The following MAP3K4 variants were observed in gnomAD, a reference collection of about 807,000 sequenced individuals.
MAP3K4 encodes the protein mitogen-activated protein kinase kinase kinase 4.
In MAP3K4, 67 loss-of-function variants were observed where a neutral mutation model predicts 185.6. The observed-to-expected ratio is 0.36, with a 90% CI of 0.30 to 0.44. The LOEUF is 0.44. Among genes scored for constraint, MAP3K4 ranks in the 20% least tolerant of loss-of-function variants. MAP3K4 has a pLI of 1.00. For synonymous variants in MAP3K4, 702 were observed against 710.4 expected (o/e 0.99, Z 0.19); for missense variants, 1,551 against 1,995.1 (o/e 0.78, Z 4.24).
Position 161,048,159 on chromosome 6 carries a change from T to A in MAP3K4, c.344-457T>A, listed in dbSNP as rs2114758617. 1 of 488,042 alleles carries A rather than the reference T, an allele frequency of 2.0e-6. No homozygotes were observed. Among genetic ancestry groups the A allele is most frequent in the East Asian group, 6.1e-5 (1 of 16,436 alleles). The allele number at this position is 488,042 out of a possible 1,614,324, so 30.2% of individuals were successfully genotyped here. Reference sequence around the variant, plus strand: ...TGCCTAATTTTATCAATGAGAAAAGTAATCCAGATAATTTACGTGATTTCC... The same window carrying A: ...TGCCTAATTTTATCAATGAGAAAAGAAATCCAGATAATTTACGTGATTTCC... On this transcript the variant is annotated intron_variant, in intron 2 of 26. Transcript: ENST00000392142. The surrounding 1 kb of genome is among the most constrained non-coding windows in gnomAD (Gnocchi z 4.7).
In MAP3K4 at chr6:161,084,546, A is replaced by G. The variant is rs771665916; in HGVS notation, c.2301A>G (p.Glu767=). 5.0e-6 allele frequency: 8 copies of G among 1,611,610 alleles called. No individual in the cohort carries two copies. The South Asian group carries it at 8.8e-5, about 18-fold the overall frequency. Reference sequence around the variant, plus strand: ...TGAAATCTACAGGAAGTTTTTTAGAATTTGGCTTACAGGAGAGCTGTGCTG... The same window carrying G: ...TGAAATCTACAGGAAGTTTTTTAGAGTTTGGCTTACAGGAGAGCTGTGCTG... ...MLLKSTGSFL[E]FGLQESCAEF... Residue 767 remains glutamate (E), a synonymous_variant, in exon 7 of 27, where the codon GAA becomes GAG. Coordinates refer to ENST00000392142, the MANE Select transcript of MAP3K4 (RefSeq NM_005922.4). The surrounding 1 kb of genome is among the most constrained non-coding windows in gnomAD (Gnocchi z 4.6).
chr6:161,003,956 A>C (rs1410306049), intron 1 of MAP3K4, among the ~76,000 whole-genome samples: 2 of 151,816 alleles, frequency 1.3e-5, no homozygotes, highest in Non-Finnish European at 2.9e-5. Context: ...GTTAATCTTT[A>C]CTGGGAAATA....
intron 1 of MAP3K4, among the ~76,000 whole-genome samples, chr6:161,033,937 C>T (rs909956044): frequency 2.0e-5 from 3 of 152,114 alleles, no homozygotes; most frequent in African/African-American, 7.2e-5. Context: ...CTGGTTTTTC[C>T]TTAAGGCGTA....
chr6:161,087,677 G>A lies in MAP3K4; in HGVS notation c.2557-11G>A. ...AGTGTTCCTTAAGATTTTGGATTAT[G>A]TCTTTTGCAGGTGCAAATTCCTGGG... On this transcript the variant is annotated splice_polypyrimidine_tract_variant and intron_variant, in intron 9 of 26. Coordinates refer to ENST00000392142, the MANE Select transcript of MAP3K4 (RefSeq NM_005922.4). This position sits in a 1 kb window ranked among gnomAD's most constrained non-coding sequence, Gnocchi z 4.9. 1 of 1,613,410 alleles carries A rather than the reference G, an allele frequency of 6.2e-7. No homozygotes were observed.
In MAP3K4 at chr6:161,092,281, T is replaced by A. The variant is rs565053297; in HGVS notation, c.3269+138T>A. The A allele has an allele frequency of 4.4e-5, 43 of 979,540 alleles. 1 individual carries two copies. In the Admixed American group the frequency reaches 1.1e-3, roughly 24 times the overall value. The allele number at this position is 979,540 out of a possible 1,614,324, so 60.7% of individuals were successfully genotyped here. A position where few individuals can be genotyped will look rare whatever the true frequency, so the allele number is the denominator to read the frequency against. On this transcript the variant is annotated intron_variant, in intron 13 of 26. Coordinates refer to ENST00000392142, the MANE Select transcript of MAP3K4 (RefSeq NM_005922.4). ...AACTCTTCGGTGATCAGGTTTTTTT[T>A]AATGGAAAAATATGTAGAGAAAACT...
At chr6:161,111,585 G>A (rs1162037051) in intron 23 of MAP3K4, among the ~76,000 whole-genome samples, 1 of 152,164 alleles carries the variant, frequency 6.6e-6, no homozygotes, top group Non-Finnish European at 1.5e-5. Context: ...ATGTTAGAAT[G>A]TATGCATGTA....
chr6:161,095,083 G>A (rs1053834988), intron 15 of MAP3K4, among the ~76,000 whole-genome samples: 2 of 152,094 alleles, frequency 1.3e-5, no homozygotes, highest in African/African-American at 2.4e-5. Flanking sequence ...AGGTAGTCCC[G>A]GGTAACATCT....
chr6:161,010,886 T>C (rs1781814639), intron 1 of MAP3K4, among the ~76,000 whole-genome samples: 1 of 151,998 alleles, frequency 6.6e-6, no homozygotes, highest in Non-Finnish European at 1.5e-5. Context: ...TTGGGTGTGC[T>C]TTTTTTTGAT....
rs986694813 is a variant in MAP3K4 at position 161,049,824 on chromosome 6, A to T, written c.1552A>T (p.Ser518Cys). The change falls in exon 3 of 27, where the codon AGT becomes TGT. Residue 518 changes from serine to cysteine, a missense_variant. Ser to Cys is a moderately radical substitution (Grantham distance 112). Coordinates refer to ENST00000392142, the MANE Select transcript of MAP3K4 (RefSeq NM_005922.4). The surrounding 1 kb of genome is among the most constrained non-coding windows in gnomAD (Gnocchi z 8.4). The part of the protein sequence containing the change: ...APDWSTEAGF[S>C]RHCLTSIYRP... ...AGACTGGAGCACAGAAGCAGGCTTT[A>T]GTAGACATTGTCTGACTTCTATTTA... The T allele has an allele frequency of 1.5e-5, 24 of 1,614,200 alleles. No homozygotes were observed. The East Asian group carries it at 5.1e-4, about 34-fold the overall frequency.
rs564932349 is a variant in MAP3K4, at chr6:161,048,176, G to T, written c.344-440G>T. On this transcript the variant is annotated intron_variant, in intron 2 of 26. Coordinates refer to ENST00000392142, the MANE Select transcript of MAP3K4 (RefSeq NM_005922.4). This position sits in a 1 kb window ranked among gnomAD's most constrained non-coding sequence, Gnocchi z 4.7. ...GAGAAAAGTAATCCAGATAATTTAC[G>T]TGATTTCCTCTTAAGTTTACACATT... The T allele has an allele frequency of 2.0e-6, 1 of 496,452 alleles. No individual in the cohort carries two copies. Among genetic ancestry groups the T allele is most frequent in the African/African-American group, 2.0e-5 (1 of 50,092 alleles). The allele number at this position is 496,452 out of a possible 1,614,324, so 30.8% of individuals were successfully genotyped here.
At chr6:161,010,581 C>A (rs1306552303) in intron 1 of MAP3K4, among the ~76,000 whole-genome samples, 1 of 152,064 alleles carries the variant, frequency 6.6e-6, no homozygotes, top group Non-Finnish European at 1.5e-5. Context: ...GCACAATTGC[C>A]TACTCTTTAT....
At position 161,082,525 on chromosome 6, in the gene MAP3K4, A is replaced by G. The variant is rs374966437; in HGVS notation, c.2255+1487A>G. ...CCCTGAGAAGCTCCAGGGCTTTTTC[A>G]TTCCCCCTTCTTGTGAACAGTCCAC... On this transcript the variant is annotated intron_variant, in intron 6 of 26. Coordinates refer to ENST00000392142, the MANE Select transcript of MAP3K4 (RefSeq NM_005922.4). The surrounding 1 kb of genome is among the most constrained non-coding windows in gnomAD (Gnocchi z 4.2). Among the ~76,000 whole-genome samples, 6 of 151,704 alleles carry G rather than the reference A, an allele frequency of 4.0e-5. No individual in the cohort carries two copies. Among genetic ancestry groups the G allele is most frequent in the African/African-American group, 9.7e-5 (4 of 41,338 alleles).
chr6:161,060,999 C>A lies in MAP3K4; in HGVS notation c.1708-9609C>A, dbSNP rs186355304. On this transcript the variant is annotated intron_variant, in intron 3 of 26. Transcript: ENST00000392142. ...TATATTCCAAGACCACTGTCTGTAC[C>A]CCAGCATTGTTCATTGCAGCAGAAA... Among the ~76,000 whole-genome samples the A allele has an allele frequency of 4.6e-3, 703 of 152,244 alleles. 7 individuals are homozygous for A. Among genetic ancestry groups the A allele is most frequent in the African/African-American group, 0.016 (675 of 41,546 alleles).
In MAP3K4 at chr6:161,113,829, G is replaced by A. The variant is rs892337672; in HGVS notation, c.4626+1055G>A. Among the ~76,000 whole-genome samples the A allele has an allele frequency of 3.6e-5, 4 of 112,042 alleles. No homozygotes were observed. In the Admixed American group the frequency reaches 4.1e-4, roughly 11 times the overall value. The allele number at this position is 112,042 out of a possible 152,430, so 73.5% of individuals were successfully genotyped here. A position where few individuals can be genotyped will look rare whatever the true frequency, so the allele number is the denominator to read the frequency against. ...TTTTTTTTTTTTGAGATGGAGTCTC[G>A]CTCTGTCGCCAGGCAGGAGTGCAAG... is the stretch of plus-strand genomic sequence containing the variant. On this transcript the variant is annotated intron_variant, in intron 25 of 26. Coordinates refer to ENST00000392142, the MANE Select transcript of MAP3K4 (RefSeq NM_005922.4).
At position 161,071,138 on chromosome 6, in the gene MAP3K4, G is replaced by A. The variant is rs1784922184; in HGVS notation, c.1950+288G>A. Among the ~76,000 whole-genome samples, 2 of 152,060 alleles carry A rather than the reference G, an allele frequency of 1.3e-5. No homozygotes were observed. The highest frequency in any genetic ancestry group is 1.3e-4 in the Admixed American group (2 of 15,270). Reference sequence around the variant, plus strand: ...TAAAATTTAAAATTCATTCATAAGAGGTAGAGTATAAGATTCTTAAATTTA... The same window carrying A: ...TAAAATTTAAAATTCATTCATAAGAAGTAGAGTATAAGATTCTTAAATTTA... On this transcript the variant is annotated intron_variant, in intron 4 of 26. Transcript: ENST00000392142. This position sits in a 1 kb window ranked among gnomAD's most constrained non-coding sequence, Gnocchi z 4.6.
chr6:161,038,199 T>G (rs991320671), intron 2 of MAP3K4, among the ~76,000 whole-genome samples: 1 of 152,170 alleles, frequency 6.6e-6, no homozygotes, highest in Non-Finnish European at 1.5e-5. Flanking sequence ...AAGACCTAGT[T>G]CCAGGTCAAG....
chr6:161,108,423 C>T lies in MAP3K4; in HGVS notation c.4120-320C>T, dbSNP rs561373500. Among the ~76,000 whole-genome samples, 4 of 152,216 alleles carry T rather than the reference C, an allele frequency of 2.6e-5. No individual in the cohort carries two copies. Among genetic ancestry groups the T allele is most frequent in the Admixed American group, 6.5e-5 (1 of 15,298 alleles). On this transcript the variant is annotated intron_variant, in intron 21 of 26. Coordinates refer to ENST00000392142, the MANE Select transcript of MAP3K4 (RefSeq NM_005922.4). This position sits in a 1 kb window ranked among gnomAD's most constrained non-coding sequence, Gnocchi z 5.7. ...CTGTCTGTGGAGACATCCGGTTTGA[C>T]GTGGAAGGAGGAGAGGAGTGGAGAG...
At chr6:161,102,945 G>A (rs1458426687) in intron 19 of MAP3K4, among the ~76,000 whole-genome samples, 166 bp downstream of exon 19, 1 of 151,540 alleles carries the variant, frequency 6.6e-6, no homozygotes, top group Admixed American at 6.6e-5. Flanking sequence ...ATCATGTACT[G>A]TGTTTGTGTA....
intron 1 of MAP3K4, among the ~76,000 whole-genome samples, chr6:160,994,134 T>C (rs1780882161): frequency 6.6e-6 from 1 of 151,462 alleles, no homozygotes; most frequent in Admixed American, 6.6e-5. Flanking sequence ...TTTTTTTTTT[T>C]ACAATTTTCT....
Sources: gnomAD v4.1 joint callset for allele counts (sites outside exome capture counted in the v4.1 genomes callset) on GRCh38, gnomAD v4.1.1 for gene constraint, Gnocchi (gnomAD v3.1) non-coding constraint, MANE v1.5 for transcripts, NCBI Gene and HGNC (gene_info 2026-07-23, HGNC 2026-07-21) for gene names.